The following ZNF251 variants were observed in gnomAD, a reference collection of about 807,000 sequenced individuals.
ZNF251 encodes the protein zinc finger protein 251.
Under a neutral mutation model 13.5 loss-of-function variants are expected in ZNF251, and 14 were observed. That is an observed-to-expected ratio of 1.04 (90% CI 0.69 to 1.63). The LOEUF (loss-of-function observed/expected upper bound fraction) is 1.63. ZNF251 is among the 40% of genes most tolerant of loss of function. ZNF251 has a pLI of 0.00. For missense variants in ZNF251, 764 were observed against 834.9 expected (o/e 0.92, Z 1.05); for synonymous variants, 287 against 295.2 (o/e 0.97, Z 0.28).
Position 144,723,227 on chromosome 8 carries a change from C to CT in ZNF251, c.432dup (p.Glu145ArgfsTer40), listed in dbSNP as rs769228700. Reference sequence around the variant, plus strand: ...TGCCCGGCAGAATTTCCCACGCGCTCTTTGAGTTTGCCCTCACGGCCCCAT... The same window carrying CT: ...TGCCCGGCAGAATTTCCCACGCGCTCTTTTGAGTTTGCCCTCACGGCCCCAT... On this transcript the variant is annotated frameshift_variant, in exon 5 of 5. Coordinates refer to ENST00000292562, the MANE Select transcript of ZNF251 (RefSeq NM_138367.2). LOFTEE classifies it low-confidence loss of function (END_TRUNC). 1.1e-5 allele frequency: 17 copies of CT among 1,613,522 alleles called. No homozygotes were observed. Among genetic ancestry groups the CT allele is most frequent in the South Asian group, 5.5e-5 (5 of 91,040 alleles).
intron 4 of ZNF251, among the ~76,000 whole-genome samples, chr8:144,724,688 C>T (rs1011313066): frequency 2.6e-5 from 4 of 152,102 alleles, no homozygotes; most frequent in Admixed American, 1.3e-4. Flanking sequence ...TGTCCAAAAA[C>T]GGGGCTGTTT....
intron 4 of ZNF251, among the ~76,000 whole-genome samples, chr8:144,746,521 T>C (rs2130059166): frequency 6.6e-6 from 1 of 152,342 alleles, no homozygotes; most frequent in East Asian, 1.9e-4. Context: ...TAGGAAGTAT[T>C]CCCTCTGTTT....
intron 4 of ZNF251, among the ~76,000 whole-genome samples, chr8:144,745,749 A>G (rs1824397376): frequency 6.6e-6 from 1 of 151,934 alleles, no homozygotes; most frequent in Non-Finnish European, 1.5e-5. Context: ...GGGTCTCACT[A>G]TGTTGCCTAG....
chr8:144,722,176 C>G lies in ZNF251; in HGVS notation c.1484G>C (p.Gly495Ala), dbSNP rs1823388700. ...GEKPYDCGDC[G>A]KAFSRRSTLI... ...GGTTGACCTCCGGCTGAAGGCCTTC[C>G]CACAGTCACCACAGTCATAGGGCTT... Residue 495 changes from glycine to alanine, a missense_variant, in exon 5 of 5, where the codon GGG becomes GCG. By Grantham distance (60) the Gly-to-Ala change is moderately conservative. Transcript: ENST00000292562. This position sits in a 1 kb window ranked among gnomAD's most constrained non-coding sequence, Gnocchi z 4.8. 6.2e-7 allele frequency: 1 copy of G among 1,614,008 alleles called. No individual in the cohort carries two copies. Among genetic ancestry groups the G allele is most frequent in the Admixed American group, 1.7e-5 (1 of 60,012 alleles).
At position 144,722,558 on chromosome 8, in the gene ZNF251, C is replaced by G; in HGVS notation, c.1102G>C (p.Glu368Gln). 1 of 1,612,952 alleles carries G rather than the reference C, an allele frequency of 6.2e-7. No homozygotes were observed. Among genetic ancestry groups the G allele is most frequent in the Non-Finnish European group, 8.5e-7 (1 of 1,179,680 alleles). The change falls in exon 5 of 5, where the codon GAG becomes CAG. Residue 368 changes from glutamate to glutamine, a missense_variant. Transcript: ENST00000292562. This position sits in a 1 kb window ranked among gnomAD's most constrained non-coding sequence, Gnocchi z 4.8. ...FSRSSSLIQH[E>Q]RIHTGEKPHK... is the part of the protein sequence containing the mutation. ...GGCTTCTCTCCAGTGTGAATTCTCT[C>G]ATGCTGAATAAGGCTGGAGCTTCGA...
At chr8:144,735,306 G>A (rs1341032464) in intron 4 of ZNF251, among the ~76,000 whole-genome samples, 1 of 146,604 alleles carries the variant, frequency 6.8e-6, no homozygotes, top group African/African-American at 2.6e-5. Flanking sequence ...AGAATTGCTT[G>A]AACCCAGGAG....
At chr8:144,727,859 C>T (rs974791447) in intron 4 of ZNF251, among the ~76,000 whole-genome samples, 1 of 152,178 alleles carries the variant, frequency 6.6e-6, no homozygotes, top group African/African-American at 2.4e-5. Context: ...GTCACCCAGG[C>T]TGGAGTGCAG....
chr8:144,746,141 T>C (rs893787146), intron 4 of ZNF251, among the ~76,000 whole-genome samples: 4 of 152,242 alleles, frequency 2.6e-5, no homozygotes, highest in African/African-American at 4.8e-5. Context: ...AGATGCTCTC[T>C]ATCAACTTGA....
Position 144,754,813 on chromosome 8 carries a change from G to A in ZNF251, c.-75-10C>T, listed in dbSNP as rs1318557392. The A allele has an allele frequency of 7.7e-6, 12 of 1,552,130 alleles. No individual in the cohort carries two copies. The highest frequency in any genetic ancestry group is 1.7e-4 in the Middle Eastern group (1 of 5,912). On this transcript the variant is annotated splice_polypyrimidine_tract_variant and intron_variant, in intron 1 of 4. Transcript: ENST00000292562. Reference sequence around the variant, plus strand: ...GTCTCCCCGAACTTACCTTCAGTGGGGAGAACTCAGGCTCAGCCCCATTCA... The same window carrying A: ...GTCTCCCCGAACTTACCTTCAGTGGAGAGAACTCAGGCTCAGCCCCATTCA...
At position 144,734,355 on chromosome 8, in the gene ZNF251, G is replaced by T. The variant is rs1198779309; in HGVS notation, c.278-10973C>A. ...CGGCCCTGTCCCCCAACTCCAGCGGGTGTCACGGGTCTAATCCCTGGCACA... is the reference window on the plus strand; with the variant it reads ...CGGCCCTGTCCCCCAACTCCAGCGGTTGTCACGGGTCTAATCCCTGGCACA... On this transcript the variant is annotated intron_variant, in intron 4 of 4. Transcript: ENST00000292562. This position sits in a 1 kb window ranked among gnomAD's most constrained non-coding sequence, Gnocchi z 4.4. Among the ~76,000 whole-genome samples the T allele has an allele frequency of 6.6e-6, 1 of 152,236 alleles. No homozygotes were observed. The highest frequency in any genetic ancestry group is 1.5e-5 in the Non-Finnish European group (1 of 68,040).
intron 4 of ZNF251, among the ~76,000 whole-genome samples, chr8:144,731,197 A>T (rs1823684000): frequency 6.6e-6 from 1 of 152,178 alleles, no homozygotes; most frequent in Non-Finnish European, 1.5e-5. Flanking sequence ...CACACACAGG[A>T]GCCTTGCTCC....
chr8:144,744,122 T>G (rs1288060532), intron 4 of ZNF251, among the ~76,000 whole-genome samples: 2 of 148,726 alleles, frequency 1.3e-5, no homozygotes, highest in Non-Finnish European at 3.0e-5. Context: ...CAGGCGATTC[T>G]CCTGCCTCAG....
chr8:144,749,919 A>T (rs1824615186), intron 4 of ZNF251, among the ~76,000 whole-genome samples: 2 of 135,850 alleles, frequency 1.5e-5, no homozygotes, highest in African/African-American at 2.8e-5. Flanking sequence ...TGATCTCGCT[A>T]TGCTGCCTAG....
At chr8:144,755,010 G>C (rs1824892770) in intron 1 of ZNF251, 1 of 1,386,888 alleles carries the variant, frequency 7.2e-7, no homozygotes, top group African/African-American at 1.5e-5. Flanking sequence ...GGGACGCCCG[G>C]CTAAGGGGTG....
chr8:144,744,870 A>G (rs559782760), intron 4 of ZNF251, among the ~76,000 whole-genome samples: 2 of 152,354 alleles, frequency 1.3e-5, no homozygotes, highest in South Asian at 2.1e-4. Context: ...AGCATGGCCA[A>G]CATGGCAAAA....
At chr8:144,754,437 C>CTGTG (rs1824857203) in intron 2 of ZNF251, 116 bp from the exon 3 acceptor site, 1 of 1,451,858 alleles carries the variant, frequency 6.9e-7, no homozygotes. Flanking sequence ...TCAGTATGAA[C>CTGTG]TGTGTATCAG....
At chr8:144,753,913 GC>G in intron 3 of ZNF251, 117 bp from the exon 4 acceptor site, 1 of 835,582 alleles carries the variant, frequency 1.2e-6, no homozygotes, top group Non-Finnish European at 1.8e-6. Flanking sequence ...TGGTCAGGGG[GC>G]CCGTGGGCTG....
At chr8:144,732,730 T>G (rs770733544) in intron 4 of ZNF251, among the ~76,000 whole-genome samples, 12 of 149,138 alleles carry the variant, frequency 8.0e-5, no homozygotes, top group Non-Finnish European at 1.5e-4. Context: ...GAGAATGGCG[T>G]GAACCCGGGA....
In ZNF251 at chr8:144,754,719, T is replaced by G. The variant is rs1168486798; in HGVS notation, c.10A>C (p.Thr4Pro). The part of the protein sequence containing the change: MAA[T>P]FQLPGHQEMP... ...ACCTGGTGCCCTGGAAGCTGGAATG[T>G]GGCTGCCATTCTGTGTGCATGGGCT... Residue 4 changes from threonine to proline, a missense_variant, in exon 2 of 5, where the codon ACA (threonine) becomes CCA (proline). Transcript: ENST00000292562. The G allele has an allele frequency of 6.2e-7, 1 of 1,612,168 alleles. No individual in the cohort carries two copies. Among genetic ancestry groups the G allele is most frequent in the South Asian group, 1.1e-5 (1 of 90,576 alleles).
Sources: allele counts gnomAD v4.1 joint callset (sites outside exome capture counted in the v4.1 genomes callset), GRCh38; gene constraint gnomAD v4.1.1; non-coding constraint Gnocchi (gnomAD v3.1); transcripts MANE v1.5; gene names NCBI Gene and HGNC (gene_info 2026-07-23, HGNC 2026-07-21).